CCNK: variants seen among roughly 807,000 people sequenced by gnomAD.
CCNK encodes cyclin K.
Under a neutral mutation model 65.0 loss-of-function variants are expected in CCNK, and 9 were observed. That is an observed-to-expected ratio of 0.14 (90% CI 0.08 to 0.24). The LOEUF (loss-of-function observed/expected upper bound fraction) is 0.24. Among genes scored for constraint, CCNK ranks in the 10% least tolerant of loss-of-function variants. CCNK has a pLI of 1.00. For missense variants in CCNK, 474 were observed against 720.0 expected, an observed-to-expected ratio of 0.66 and a Z score of 3.91; for synonymous variants, 279 against 270.8, an observed-to-expected ratio of 1.03 and a Z score of -0.30.
At chr14:99,492,548 A>G in intron 1 of CCNK, 78 bp from the exon 2 acceptor site, 1 of 768,838 alleles carries the variant, frequency 1.3e-6, no homozygotes, top group South Asian at 1.9e-5. Flanking sequence ...GTGATCCCAA[A>G]CCAGGTACAA....
chr14:99,498,739 G>A (rs745813824), intron 4 of CCNK, among the ~76,000 whole-genome samples: 36 of 152,104 alleles, frequency 2.4e-4, no homozygotes, highest in South Asian at 6.2e-4. Context: ...GCTGTAAAAG[G>A]TCATTTAAGG....
chr14:99,486,893 TAA>T (rs3861675), intron 1 of CCNK, among the ~76,000 whole-genome samples: 142,994 of 152,132 alleles, frequency 0.94, 67,837 homozygotes, highest in East Asian at 1. Context: ...TTGTGGCACT[TAA>T]GATTCCCTGA....
rs1450542115 is a variant in CCNK, at chr14:99,510,626, A to G, written c.1587A>G (p.Ala529=). ...PPPPRLPPTH[A]VPPHPPPGLG... The stretch of plus-strand genomic sequence containing the variant: ...CCCCACGCCTCCCGCCTACCCACGC[A>G]GTCCCCCCTCATCCTCCTCCAGGGT... Residue 529 remains alanine, a synonymous_variant, in exon 11 of 11, where the codon GCA becomes GCG. Coordinates refer to ENST00000389879, the MANE Select transcript of CCNK (RefSeq NM_001099402.2). 3.3e-6 allele frequency: 4 copies of G among 1,199,970 alleles called. No homozygotes were observed. Among genetic ancestry groups the G allele is most frequent in the Non-Finnish European group, 4.3e-6 (4 of 932,092 alleles). 74.3% of individuals were successfully genotyped at this position (1,199,970 alleles called of 1,614,324 possible).
chr14:99,482,454 T>C (rs572707090), intron 1 of CCNK, among the ~76,000 whole-genome samples: 1 of 152,286 alleles, frequency 6.6e-6, no homozygotes, highest in East Asian at 1.9e-4. Context: ...TGGATGATGG[T>C]AGTGGTAGTA....
chr14:99,497,364 T>C (rs970501211), intron 4 of CCNK, among the ~76,000 whole-genome samples: 1 of 152,230 alleles, frequency 6.6e-6, no homozygotes, highest in Non-Finnish European at 1.5e-5. Context: ...TTCAGATTGG[T>C]CTCTTTCACT....
intron 9 of CCNK, 22 bp downstream of exon 9, chr14:99,503,666 T>C (rs1395271036): frequency 1.3e-6 from 2 of 1,548,756 alleles, no homozygotes; most frequent in Non-Finnish European, 1.7e-6. Context: ...TTCTGATGTT[T>C]TTTTAGTTTT....
chr14:99,510,640 C>T lies in CCNK; in HGVS notation c.1601C>T (p.Pro534Leu). 2 of 1,412,338 alleles carry T rather than the reference C, an allele frequency of 1.4e-6. No homozygotes were observed. Among genetic ancestry groups the T allele is most frequent in the South Asian group, 1.5e-5 (1 of 66,392 alleles). 87.5% of individuals were successfully genotyped at this position (1,412,338 alleles called of 1,614,324 possible). A position where few individuals can be genotyped will look rare whatever the true frequency, so the allele number is the denominator to read the frequency against. ...CCTACCCACGCAGTCCCCCCTCATCCTCCTCCAGGGTTGGGCCTGCCGCCA... is the reference window on the plus strand; with the variant it reads ...CCTACCCACGCAGTCCCCCCTCATCTTCCTCCAGGGTTGGGCCTGCCGCCA... ...LPPTHAVPPH[P>L]PPGLGLPPAS... Residue 534 changes from proline to leucine, a missense_variant, in exon 11 of 11, where the codon CCT becomes CTT. Pro to Leu is a moderately conservative substitution (Grantham distance 98, BLOSUM62 -3). Around this residue, in one of 6 missense-constraint regions of CCNK, gnomAD observed 53 missense variants for 91.4 expected, o/e 0.58. Coordinates refer to ENST00000389879, the MANE Select transcript of CCNK (RefSeq NM_001099402.2).
At chr14:99,492,528 A>C (rs185431761) in intron 1 of CCNK, 98 bp from the exon 2 acceptor site, 13 of 660,374 alleles carry the variant, frequency 2.0e-5, no homozygotes, top group Admixed American at 3.5e-5. Context: ...TGTGGTTTCT[A>C]TAGGAAATAG....
At chr14:99,482,817 A>G (rs981226285) in intron 1 of CCNK, among the ~76,000 whole-genome samples, 5 of 152,154 alleles carry the variant, frequency 3.3e-5, no homozygotes, top group Non-Finnish European at 5.9e-5. Flanking sequence ...GGCCTATAAA[A>G]TGGGCTAGTT....
At chr14:99,492,566 T>G (rs1047397354) in intron 1 of CCNK, 60 bp from the exon 2 acceptor site, 13 of 867,812 alleles carry the variant, frequency 1.5e-5, no homozygotes, top group Non-Finnish European at 2.3e-5. Context: ...CAATCTATGA[T>G]TCTAGATTGC....
At chr14:99,489,544 T>C (rs1181415728) in intron 1 of CCNK, among the ~76,000 whole-genome samples, 1 of 152,228 alleles carries the variant, frequency 6.6e-6, no homozygotes, top group East Asian at 1.9e-4. Flanking sequence ...AATAAGTAAG[T>C]AAGTAAATAA....
chr14:99,503,037 A>G, intron 8 of CCNK, 53 bp downstream of exon 8: 2 of 1,568,736 alleles, frequency 1.3e-6, no homozygotes, highest in East Asian at 2.2e-5. Flanking sequence ...GGTGGCGGCA[A>G]CACCTGAGCA....
At chr14:99,491,087 A>G (rs547181176) in intron 1 of CCNK, among the ~76,000 whole-genome samples, 14 of 152,034 alleles carry the variant, frequency 9.2e-5, no homozygotes, top group South Asian at 4.2e-4. Flanking sequence ...GGGGTATGCT[A>G]TTGTGTGCAT....
At chr14:99,486,243 C>T (rs760042566) in intron 1 of CCNK, among the ~76,000 whole-genome samples, 7 of 152,168 alleles carry the variant, frequency 4.6e-5, no homozygotes, top group Non-Finnish European at 7.4e-5. Context: ...TGCAAATTTC[C>T]CTACTTCTTG....
chr14:99,492,061 C>G (rs935707597), intron 1 of CCNK: 6 of 152,322 alleles, frequency 3.9e-5, no homozygotes, highest in Non-Finnish European at 7.3e-5. Context: ...CCACCCACTC[C>G]CCAAATCACA....
At position 99,512,091 on chromosome 14, in the gene CCNK, T is replaced by C. The variant is rs1196651586; in HGVS notation, c.*1309T>C. 1.3e-5 allele frequency: 2 copies of C among 152,254 alleles called. No homozygotes were observed. Among genetic ancestry groups the C allele is most frequent in the Admixed American group, 6.5e-5 (1 of 15,292 alleles). The allele number at this position is 152,254 out of a possible 1,614,324, so 9.4% of individuals were successfully genotyped here. A position where few individuals can be genotyped will look rare whatever the true frequency, so the allele number is the denominator to read the frequency against. The stretch of plus-strand genomic sequence containing the variant: ...CTCAAAGTAGACACTATCACAATCT[T>C]GTTTGTTACTCCTTTTACTAAAATA... On this transcript the variant is annotated 3_prime_UTR_variant, in exon 11 of 11. Coordinates refer to ENST00000389879, the MANE Select transcript of CCNK (RefSeq NM_001099402.2).
chr14:99,488,383 A>G (rs1896536587), intron 1 of CCNK, among the ~76,000 whole-genome samples: 1 of 151,666 alleles, frequency 6.6e-6, no homozygotes, highest in African/African-American at 2.4e-5. Context: ...ATGTTTTTTC[A>G]TAACACTGTT....
At chr14:99,493,838 C>T in intron 3 of CCNK, 1 of 330,628 alleles carries the variant, frequency 3.0e-6, no homozygotes, top group Non-Finnish European at 5.5e-6. Flanking sequence ...AAAGTTTACT[C>T]CCGTGGTACC....
At chr14:99,486,133 C>T (rs796903313) in intron 1 of CCNK, among the ~76,000 whole-genome samples, 10 of 152,296 alleles carry the variant, frequency 6.6e-5, no homozygotes, top group African/African-American at 2.4e-4. Flanking sequence ...GTAAACTTTC[C>T]TTAGTTCCTT....
Sources: gnomAD v4.1 joint callset for allele counts (sites outside exome capture counted in the v4.1 genomes callset) on GRCh38, gnomAD v4.1.1 for gene constraint, gnomAD v4.1.1 regional missense constraint, MANE v1.5 for transcripts, NCBI Gene and HGNC (gene_info 2026-07-23, HGNC 2026-07-21) for gene names.